SASH1: variants seen among roughly 807,000 people sequenced by gnomAD.
SASH1 encodes the protein SAM and SH3 domain containing 1, also known as SAM and SH3 domain-containing protein 1.
A neutral mutation model predicts 125.2 loss-of-function variants in SASH1; 44 were observed. The ratio of observed to expected loss-of-function variants is 0.35; its 90% CI spans 0.28 to 0.45. The LOEUF (loss-of-function observed/expected upper bound fraction) is 0.45. SASH1 is among the 20% of genes least tolerant of loss of function. The pLI is 1.00. For synonymous variants in SASH1, 639 were observed against 649.1 expected (o/e 0.98, Z 0.24); for missense variants, 1,426 against 1,614.5 (o/e 0.88, Z 2.00).
intron 1 of SASH1, among the ~76,000 whole-genome samples, chr6:148,389,422 T>G (rs1033911732): frequency 1.3e-5 from 2 of 152,256 alleles, no homozygotes; most frequent in Admixed American, 1.3e-4. Context: ...CAGGTGAATT[T>G]GTAACATGTA....
At chr6:148,456,873 C>CAATAATAATAATAAT (rs56067798) in intron 4 of SASH1, among the ~76,000 whole-genome samples, 17,344 of 142,120 alleles carry the variant, frequency 0.12, 1,248 homozygotes, top group East Asian at 0.21. Flanking sequence ...TGTCTCATAA[C>CAATAATAATAATAAT]AATAATAATA....
At chr6:148,361,317 G>A (rs772754251) in intron 1 of SASH1, among the ~76,000 whole-genome samples, 5 of 152,202 alleles carry the variant, frequency 3.3e-5, no homozygotes, top group Non-Finnish European at 7.3e-5. Context: ...AGACAGCAAG[G>A]CCAGACGCGG....
the SASH1 span, among the ~76,000 whole-genome samples, chr6:148,212,252 A>G: frequency 6.6e-6 from 1 of 152,172 alleles, no homozygotes; most frequent in Non-Finnish European, 1.5e-5. Flanking sequence ...TAAGCAGGAC[A>G]CTGTGCAAAA....
intron 4 of SASH1, among the ~76,000 whole-genome samples, chr6:148,464,982 C>A (rs1777770006): frequency 1.3e-5 from 2 of 152,008 alleles, no homozygotes; most frequent in South Asian, 4.1e-4. Flanking sequence ...CAAGTCCAAA[C>A]CGGAGGATAA....
intron 4 of SASH1, among the ~76,000 whole-genome samples, chr6:148,453,494 G>A (rs113638999): frequency 6.6e-6 from 1 of 152,102 alleles, no homozygotes; most frequent in South Asian, 2.1e-4. Context: ...AGAAAGGTCA[G>A]TGACTTAGCA....
At chr6:148,292,201 G>A (rs1208756453) in intron 1 of SASH1, among the ~76,000 whole-genome samples, 2 of 152,172 alleles carry the variant, frequency 1.3e-5, no homozygotes, top group Non-Finnish European at 2.9e-5. Context: ...AAATAGTTTA[G>A]TGTTATTTCC....
intron 8 of SASH1, among the ~76,000 whole-genome samples, chr6:148,501,166 T>C (rs1779544905): frequency 6.6e-6 from 1 of 152,022 alleles, no homozygotes; most frequent in Non-Finnish European, 1.5e-5. Context: ...TTCCCTCCAT[T>C]GCCATTTGGC....
At chr6:148,418,544 C>T (rs1340303741) in intron 2 of SASH1, among the ~76,000 whole-genome samples, 2 of 152,180 alleles carry the variant, frequency 1.3e-5, no homozygotes, top group African/African-American at 4.8e-5. Flanking sequence ...AAATGACTTC[C>T]ATAGTAAGGC....
At position 148,323,869 on chromosome 6, in the gene SASH1, G is replaced by C. The variant is rs191359149; in HGVS notation, n.74+51492G>C. ...TGGCAGGGCGCAGTGGCTCATGCCT[G>C]TAATCCCAGCACTTTGGGAGGCCGA... On this transcript the variant is annotated intron_variant and non_coding_transcript_variant, in intron 1 of 3. Coordinates refer to the SASH1 transcript ENST00000367469. Among the ~76,000 whole-genome samples the C allele has an allele frequency of 3.9e-3, 596 of 152,176 alleles. 2 individuals are homozygous for C. The highest frequency in any genetic ancestry group is 0.014 in the African/African-American group (565 of 41,530).
At chr6:148,205,488 T>G in the SASH1 span, among the ~76,000 whole-genome samples, 1 of 152,224 alleles carries the variant, frequency 6.6e-6, no homozygotes, top group Non-Finnish European at 1.5e-5. Context: ...TCTGTGTTTC[T>G]TATCATCATA....
rs527587585 is a variant in SASH1, at chr6:148,302,143, G to A, written n.74+29766G>A. Among the ~76,000 whole-genome samples, 17 of 147,858 alleles carry A rather than the reference G, an allele frequency of 1.1e-4. No homozygotes were observed. In the East Asian group the frequency reaches 2.4e-3, roughly 21 times the overall value. The stretch of plus-strand genomic sequence containing the variant: ...ATCCTGGCTAACATGGTGAAACCCC[G>A]TCTCTACTAAAAATACAAAAAATTA... On this transcript the variant is annotated intron_variant and non_coding_transcript_variant, in intron 1 of 3. Transcript: ENST00000367469.
chr6:148,238,424 A>C, the SASH1 span, among the ~76,000 whole-genome samples: 9 of 152,134 alleles, frequency 5.9e-5, 1 homozygote, highest in African/African-American at 1.9e-4. Context: ...GAGTTTCATC[A>C]TGTTGGCCAT....
the SASH1 span, among the ~76,000 whole-genome samples, chr6:148,233,204 A>G: frequency 6.7e-6 from 1 of 149,918 alleles, no homozygotes; most frequent in Non-Finnish European, 1.5e-5. Context: ...ACAAGAGAGA[A>G]ACTCCATCTT....
chr6:148,338,426 CAAA>C (rs5880773), upstream of SASH1, among the ~76,000 whole-genome samples: 2 of 133,056 alleles, frequency 1.5e-5, no homozygotes. Flanking sequence ...GACTCCATCT[CAAA>C]AAAAAAAAAA....
At chr6:148,210,656 C>T in the SASH1 span, among the ~76,000 whole-genome samples, 1 of 152,204 alleles carries the variant, frequency 6.6e-6, no homozygotes, top group Admixed American at 6.5e-5. Context: ...GCTTGAATGG[C>T]TTTTAAATCC....
At chr6:148,298,523 C>G (rs1381902833) in intron 1 of SASH1, among the ~76,000 whole-genome samples, 1 of 151,842 alleles carries the variant, frequency 6.6e-6, no homozygotes, top group Non-Finnish European at 1.5e-5. Context: ...CATCTGTGGT[C>G]CCAGCTACCC....
At chr6:148,275,646 G>A (rs191984448) in intron 1 of SASH1, among the ~76,000 whole-genome samples, 35 of 152,224 alleles carry the variant, frequency 2.3e-4, no homozygotes, top group African/African-American at 6.7e-4. Flanking sequence ...GGAAATATTA[G>A]AAATTCCCCT....
chr6:148,513,410 T>C, intron 8 of SASH1: 2 of 985,464 alleles, frequency 2.0e-6, no homozygotes, highest in African/African-American at 1.7e-5. Flanking sequence ...TAGTCAGAGA[T>C]CTCTTATGCT....
intron 7 of SASH1, among the ~76,000 whole-genome samples, chr6:148,477,003 G>A (rs920097360): frequency 4.6e-5 from 7 of 152,188 alleles, no homozygotes; most frequent in African/African-American, 1.7e-4. Context: ...GGGAAAATTG[G>A]ATATTCATAG....
Sources: allele counts gnomAD v4.1 joint callset (sites outside exome capture counted in the v4.1 genomes callset), GRCh38; gene constraint gnomAD v4.1.1; transcripts MANE v1.5; gene names NCBI Gene and HGNC (gene_info 2026-07-23, HGNC 2026-07-21).